Variants in FOXP2 observed in about 807,000 individuals in gnomAD.
FOXP2 encodes the protein forkhead box P2.
Under a neutral mutation model 115.8 loss-of-function variants are expected in FOXP2, and 12 were observed. That is an observed-to-expected ratio of 0.10 (90% CI 0.07 to 0.17). The LOEUF is 0.17. Among genes scored for constraint, FOXP2 ranks in the 10% least tolerant of loss-of-function variants. The pLI is 1.00. For missense variants in FOXP2, 629 were observed against 843.5 expected, an observed-to-expected ratio of 0.75 and a Z score of 3.15; for synonymous variants, 328 against 297.7, an observed-to-expected ratio of 1.10 and a Z score of -1.05.
In FOXP2 at chr7:114,689,836, A is replaced by G; in HGVS notation, c.2058A>G (p.Pro686=). ...TGATTGCAGAGGATGAAGACTGCCCAATGTCCTTAGTGACAACAGCTAATC... is the reference window on the plus strand; with the variant it reads ...TGATTGCAGAGGATGAAGACTGCCCGATGTCCTTAGTGACAACAGCTAATC... ...EPVIAEDEDC[P]MSLVTTANHS... The change falls in exon 17 of 17, where the codon CCA becomes CCG. Residue 686 remains proline (P), a synonymous_variant. Coordinates refer to ENST00000350908, the MANE Select transcript of FOXP2 (RefSeq NM_014491.4). 6.2e-7 allele frequency: 1 copy of G among 1,613,568 alleles called. No homozygotes were observed.
intron 2 of FOXP2, among the ~76,000 whole-genome samples, chr7:114,328,062 A>G (rs918092564): frequency 1.7e-4 from 26 of 151,114 alleles, no homozygotes; most frequent in Non-Finnish European, 1.2e-4. Flanking sequence ...CTGAGCCTAA[A>G]GGTGCATACC....
chr7:114,302,314 T>C (rs2129178501), intron 2 of FOXP2, among the ~76,000 whole-genome samples: 1 of 152,298 alleles, frequency 6.6e-6, no homozygotes, highest in Non-Finnish European at 1.5e-5. Context: ...CTTTTGATGG[T>C]AAAACCACTG....
At chr7:114,452,637 T>C (rs1795121383) in intron 2 of FOXP2, among the ~76,000 whole-genome samples, 1 of 152,078 alleles carries the variant, frequency 6.6e-6, no homozygotes, top group Non-Finnish European at 1.5e-5. Flanking sequence ...TTCTGGTCTT[T>C]CACAGTGAAG....
In FOXP2 at chr7:114,690,502, A is replaced by C. The variant is rs920072573; in HGVS notation, c.*576A>C. The C allele has an allele frequency of 2.2e-6, 1 of 454,052 alleles. No homozygotes were observed. Among genetic ancestry groups the C allele is most frequent in the Non-Finnish European group, 4.4e-6 (1 of 226,774 alleles). 28.1% of individuals were successfully genotyped at this position (454,052 alleles called of 1,614,324 possible). A position where few individuals can be genotyped will look rare whatever the true frequency, so the allele number is the denominator to read the frequency against. On this transcript the variant is annotated 3_prime_UTR_variant, in exon 17 of 17. Transcript: ENST00000350908. ...ATTAGTTTTTTATGTTGGTGCCACCAACTGTAAATGACATAAGTTAGTTAT... is the reference window on the plus strand; with the variant it reads ...ATTAGTTTTTTATGTTGGTGCCACCCACTGTAAATGACATAAGTTAGTTAT...
chr7:114,385,878 C>G (rs1792436186), intron 2 of FOXP2, among the ~76,000 whole-genome samples: 1 of 152,072 alleles, frequency 6.6e-6, no homozygotes, highest in African/African-American at 2.4e-5. Context: ...CTCGTCTTCT[C>G]TGACCTGGGG....
At chr7:114,491,552 T>A (rs555490152) in intron 2 of FOXP2, among the ~76,000 whole-genome samples, 21 of 152,080 alleles carry the variant, frequency 1.4e-4, no homozygotes, top group Non-Finnish European at 3.1e-4. Flanking sequence ...TGCCATTGCT[T>A]TTGGTGTTTT....
At chr7:114,428,550 C>G (rs1251961791) in intron 2 of FOXP2, among the ~76,000 whole-genome samples, 1 of 151,214 alleles carries the variant, frequency 6.6e-6, no homozygotes, top group Non-Finnish European at 1.5e-5. Flanking sequence ...TGGTGGGTGC[C>G]TACATAGCTA....
chr7:114,655,199 C>A (rs1806513520), intron 10 of FOXP2, among the ~76,000 whole-genome samples: 1 of 151,938 alleles, frequency 6.6e-6, no homozygotes, highest in Non-Finnish European at 1.5e-5. Context: ...TCCCTCATTG[C>A]TTCTATAGTA....
chr7:114,688,534 T>C (rs1011121911), intron 16 of FOXP2, among the ~76,000 whole-genome samples: 4 of 152,186 alleles, frequency 2.6e-5, no homozygotes, highest in African/African-American at 9.7e-5. Flanking sequence ...AGGAATCTTT[T>C]TCACAGCGAT....
chr7:114,146,609 A>G (rs1376144784), intron 1 of FOXP2, among the ~76,000 whole-genome samples: 1 of 152,222 alleles, frequency 6.6e-6, no homozygotes, highest in Non-Finnish European at 1.5e-5. Context: ...ACCTTTTAAG[A>G]TGAAATTTTG....
intron 2 of FOXP2, among the ~76,000 whole-genome samples, chr7:114,357,592 A>G (rs1761354291): frequency 6.6e-6 from 1 of 152,132 alleles, no homozygotes; most frequent in Non-Finnish European, 1.5e-5. Context: ...ACCTCTTAGG[A>G]GAGAAAGCTT....
intron 1 of FOXP2, among the ~76,000 whole-genome samples, chr7:114,198,312 T>C (rs1034207320): frequency 1.3e-5 from 2 of 152,178 alleles, no homozygotes; most frequent in Non-Finnish European, 2.9e-5. Context: ...GAAGTGGTCA[T>C]AGAAATCATT....
chr7:114,445,653 T>C (rs1243155363), intron 2 of FOXP2, among the ~76,000 whole-genome samples: 1 of 152,154 alleles, frequency 6.6e-6, no homozygotes, highest in Non-Finnish European at 1.5e-5. Flanking sequence ...AGACTGGGAT[T>C]AAGTATCAAA....
intron 3 of FOXP2, among the ~76,000 whole-genome samples, chr7:114,559,604 T>C (rs776418735): frequency 1.1e-4 from 16 of 152,278 alleles, no homozygotes; most frequent in East Asian, 1.9e-4. Flanking sequence ...TTATTTTGGC[T>C]GGGCGCGGTG....
chr7:114,403,803 G>T (rs1792950871), intron 2 of FOXP2, among the ~76,000 whole-genome samples: 1 of 152,088 alleles, frequency 6.6e-6, no homozygotes, highest in African/African-American at 2.4e-5. Context: ...CCTCTCTAAA[G>T]CCCCTTATTT....
intron 2 of FOXP2, among the ~76,000 whole-genome samples, chr7:114,527,264 T>C (rs913416755): frequency 2.6e-5 from 4 of 152,114 alleles, no homozygotes; most frequent in Non-Finnish European, 4.4e-5. Flanking sequence ...ATATGAACAA[T>C]TATGTTCAAC....
At chr7:114,633,551 A>G (rs1805037428) in intron 6 of FOXP2, among the ~76,000 whole-genome samples, 1 of 152,196 alleles carries the variant, frequency 6.6e-6, no homozygotes, top group East Asian at 1.9e-4. Flanking sequence ...AAAAAAATCC[A>G]TCTGAATAAT....
intron 1 of FOXP2, among the ~76,000 whole-genome samples, chr7:114,184,978 G>A (rs1005106277): frequency 6.6e-6 from 1 of 152,140 alleles, no homozygotes; most frequent in African/African-American, 2.4e-5. Context: ...ACTGTCCTAT[G>A]TTACGTCATA....
At chr7:114,574,718 A>G (rs1801488739) in intron 3 of FOXP2, among the ~76,000 whole-genome samples, 1 of 151,916 alleles carries the variant, frequency 6.6e-6, no homozygotes. Flanking sequence ...TGTTTTACAT[A>G]GGATTCTGCC....
Sources: gnomAD v4.1 joint callset for allele counts (sites outside exome capture counted in the v4.1 genomes callset) on GRCh38, gnomAD v4.1.1 for gene constraint, MANE v1.5 for transcripts, NCBI Gene and HGNC (gene_info 2026-07-23, HGNC 2026-07-21) for gene names.